The following ZNF654 variants were observed in gnomAD, a reference collection of about 807,000 sequenced individuals.
The protein encoded by ZNF654 is melanoma-associated antigen.
ZNF654 carries 19 observed loss-of-function variants against 95.3 expected under a neutral mutation model. That is an observed-to-expected ratio of 0.20 (90% CI 0.14 to 0.29). The LOEUF (loss-of-function observed/expected upper bound fraction) is 0.29. ZNF654 is among the 10% of genes least tolerant of loss of function. The pLI is 1.00. For synonymous variants in ZNF654, 413 were observed against 457.9 expected (o/e 0.90, Z 1.25); for missense variants, 1,046 against 1,341.0 (o/e 0.78, Z 3.44).
chr3:88,098,319 T>C (rs1274528656), intron 2 of ZNF654, among the ~76,000 whole-genome samples: 1 of 152,206 alleles, frequency 6.6e-6, no homozygotes, highest in African/African-American at 2.4e-5. Context: ...TAACAGGCTC[T>C]GAAATTGAGG....
chr3:88,073,785 CAGT>C (rs1393742137), intron 1 of ZNF654, among the ~76,000 whole-genome samples: 2 of 152,100 alleles, frequency 1.3e-5, no homozygotes, highest in African/African-American at 4.8e-5. Flanking sequence ...AATTGTTAAT[CAGT>C]AGCTACAATG....
chr3:88,116,236 A>G (rs185948820), intron 3 of ZNF654, among the ~76,000 whole-genome samples: 2 of 152,132 alleles, frequency 1.3e-5, no homozygotes, highest in Admixed American at 1.3e-4. Flanking sequence ...AATAAGATAT[A>G]TGGGCCAGGC....
At chr3:88,111,934 C>T (rs1054475732) in intron 2 of ZNF654, among the ~76,000 whole-genome samples, 1 of 151,854 alleles carries the variant, frequency 6.6e-6, no homozygotes, top group African/African-American at 2.4e-5. Context: ...TATTGGAAAA[C>T]AAATCCACTT....
At chr3:88,127,320 C>A (rs952500222) in intron 4 of ZNF654, among the ~76,000 whole-genome samples, 1 of 151,906 alleles carries the variant, frequency 6.6e-6, no homozygotes, top group African/African-American at 2.4e-5. Flanking sequence ...GGAGGAGGAG[C>A]TGTGAAGGGA....
intron 1 of ZNF654, among the ~76,000 whole-genome samples, chr3:88,065,986 G>A (rs1244866421): frequency 3.3e-5 from 5 of 152,122 alleles, no homozygotes; most frequent in African/African-American, 1.2e-4. Context: ...CACCCACTGT[G>A]GCCTCCCATG....
At chr3:88,108,479 T>C (rs1204431360) in intron 2 of ZNF654, among the ~76,000 whole-genome samples, 2 of 152,200 alleles carry the variant, frequency 1.3e-5, no homozygotes, top group African/African-American at 4.8e-5. Flanking sequence ...TTGTTACCCA[T>C]AGTCAACCAT....
intron 3 of ZNF654, among the ~76,000 whole-genome samples, chr3:88,115,856 A>C (rs1705358244): frequency 6.6e-6 from 1 of 152,170 alleles, no homozygotes; most frequent in Non-Finnish European, 1.5e-5. Context: ...TGACAAAAAT[A>C]ATGTAAAATG....
At chr3:88,117,917 T>A (rs1553698463) in intron 3 of ZNF654, among the ~76,000 whole-genome samples, 1 of 149,272 alleles carries the variant, frequency 6.7e-6, no homozygotes, top group Non-Finnish European at 1.5e-5. Context: ...TGTCTGGAAC[T>A]TACCAGTACT....
rs1706689012 is a variant in ZNF654, at chr3:88,059,258, C to T, written c.-62C>T. On this transcript the variant is annotated 5_prime_UTR_variant, in exon 1 of 9. Transcript: ENST00000636215. The stretch of plus-strand genomic sequence containing the variant: ...AACTAGAGAGGAGGAGGAGGTTAGC[C>T]TAGGCATCTACGGCGGCGGCGGCGG... The T allele has an allele frequency of 1.4e-5, 22 of 1,530,776 alleles. No homozygotes were observed. Among genetic ancestry groups the T allele is most frequent in the Non-Finnish European group, 1.7e-5 (19 of 1,145,330 alleles). 94.8% of individuals were successfully genotyped at this position (1,530,776 alleles called of 1,614,324 possible).
At chr3:88,102,113 T>C (rs188222205) in intron 2 of ZNF654, among the ~76,000 whole-genome samples, 5 of 152,276 alleles carry the variant, frequency 3.3e-5, no homozygotes, top group African/African-American at 1.2e-4. Context: ...CATTTTCTCA[T>C]TGGTGTCTTT....
At chr3:88,114,862 C>G (rs1397931574) in intron 3 of ZNF654, among the ~76,000 whole-genome samples, 1 of 152,196 alleles carries the variant, frequency 6.6e-6, no homozygotes, top group African/African-American at 2.4e-5. Flanking sequence ...TATGAATTCT[C>G]CAGGCTTTTG....
chr3:88,132,130 T>C (rs1706501970), intron 6 of ZNF654, among the ~76,000 whole-genome samples: 1 of 152,152 alleles, frequency 6.6e-6, no homozygotes, highest in Non-Finnish European at 1.5e-5. Flanking sequence ...CCATTCAATA[T>C]TGTGTTCAAG....
At chr3:88,098,771 A>G (rs896732873) in intron 2 of ZNF654, among the ~76,000 whole-genome samples, 9 of 152,222 alleles carry the variant, frequency 5.9e-5, no homozygotes, top group African/African-American at 1.7e-4. Flanking sequence ...GCCTTTGACA[A>G]AATTCAACAA....
chr3:88,139,475 A>T lies in ZNF654; in HGVS notation c.1806A>T (p.Gln602His). 6.2e-7 allele frequency: 1 copy of T among 1,613,796 alleles called. No homozygotes were observed. The highest frequency in any genetic ancestry group is 1.1e-5 in the South Asian group (1 of 91,070). Residue 602 changes from glutamine (Q) to histidine (H), a missense_variant, in exon 8 of 9, where the codon CAA (glutamine) becomes CAT (histidine). Transcript: ENST00000636215. The stretch of plus-strand genomic sequence containing the variant: ...ATGTTAAGAAGATACAGAGGCAGCA[A>T]ATTGCTGCAGCTCAACAGGATGATC... The part of the protein sequence containing the change: ...KNHVKKIQRQ[Q>H]IAAAQQDDQE...
At chr3:88,128,785 G>C in intron 4 of ZNF654, 24 bp from the exon 5 acceptor site, 4 of 1,466,688 alleles carry the variant, frequency 2.7e-6, no homozygotes, top group Non-Finnish European at 3.7e-6. Flanking sequence ...GAGAGTAATA[G>C]AGTCTGTTTT....
At chr3:88,112,846 T>C (rs1447948363) in intron 2 of ZNF654, among the ~76,000 whole-genome samples, 1 of 152,060 alleles carries the variant, frequency 6.6e-6, no homozygotes, top group Non-Finnish European at 1.5e-5. Context: ...TTAAATTGTA[T>C]TGCATTGTGG....
intron 6 of ZNF654, among the ~76,000 whole-genome samples, chr3:88,134,584 C>G (rs1350801651): frequency 2.6e-5 from 4 of 152,018 alleles, no homozygotes; most frequent in Non-Finnish European, 4.4e-5. Context: ...CTGAAACATA[C>G]TATTTCAGAA....
At chr3:88,081,070 A>G (rs1708052005) in intron 1 of ZNF654, among the ~76,000 whole-genome samples, 1 of 152,072 alleles carries the variant, frequency 6.6e-6, no homozygotes, top group Non-Finnish European at 1.5e-5. Flanking sequence ...CCATTTTTGA[A>G]GAGCACTGAT....
rs1355981100 is a variant in ZNF654, at chr3:88,143,396, T to C, written c.*1744T>C. On this transcript the variant is annotated 3_prime_UTR_variant, in exon 9 of 9. Coordinates refer to ENST00000636215, the MANE Select transcript of ZNF654 (RefSeq NM_001350134.2). Reference sequence around the variant, plus strand: ...CAGCTCATAATTAAAATCTTTTCTTTAAGGTCAGCTAAAAAAAATGTTTCC... The same window carrying C: ...CAGCTCATAATTAAAATCTTTTCTTCAAGGTCAGCTAAAAAAAATGTTTCC... The C allele has an allele frequency of 6.6e-6, 1 of 152,254 alleles. No homozygotes were observed. Among genetic ancestry groups the C allele is most frequent in the Non-Finnish European group, 1.5e-5 (1 of 67,738 alleles). The allele number at this position is 152,254 out of a possible 1,614,324, so 9.4% of individuals were successfully genotyped here. A position where few individuals can be genotyped will look rare whatever the true frequency, so the allele number is the denominator to read the frequency against.
Sources: allele counts gnomAD v4.1 joint callset (sites outside exome capture counted in the v4.1 genomes callset), GRCh38; gene constraint gnomAD v4.1.1; transcripts MANE v1.5; gene names NCBI Gene and HGNC (gene_info 2026-07-23, HGNC 2026-07-21).